The following DLG2 variants were observed in gnomAD, a reference collection of about 807,000 sequenced individuals.
DLG2 encodes the protein disks large homolog 2.
Under a neutral mutation model 132.5 loss-of-function variants are expected in DLG2, and 45 were observed. The ratio of observed to expected loss-of-function variants is 0.34; its 90% CI spans 0.27 to 0.44. The LOEUF (loss-of-function observed/expected upper bound fraction) is 0.44. Among genes scored for constraint, DLG2 ranks in the 20% least tolerant of loss-of-function variants. DLG2 has a pLI of 1.00. For missense variants in DLG2, 1,045 were observed against 1,196.9 expected, an observed-to-expected ratio of 0.87 and a Z score of 1.87; for synonymous variants, 424 against 419.6, an observed-to-expected ratio of 1.01 and a Z score of -0.13.
chr11:84,566,764 T>C (rs1229848434), intron 6 of DLG2, among the ~76,000 whole-genome samples: 8 of 152,204 alleles, frequency 5.3e-5, no homozygotes, highest in Non-Finnish European at 2.9e-5. Flanking sequence ...ATCATACAGC[T>C]ACAGTTCCTC....
intron 6 of DLG2, among the ~76,000 whole-genome samples, chr11:85,002,826 A>C (rs2058332044): frequency 6.6e-6 from 1 of 151,732 alleles, no homozygotes. Context: ...AGCAAGACCG[A>C]CCTTCCTTTT....
At chr11:85,240,553 C>A (rs1270070792) in intron 4 of DLG2, among the ~76,000 whole-genome samples, 15 of 151,554 alleles carry the variant, frequency 9.9e-5, no homozygotes, top group Admixed American at 9.9e-4. Flanking sequence ...AGGCTTGTTT[C>A]TGATATTTAA....
rs1209686994 is a variant in DLG2 at position 83,772,457 on chromosome 11, G to T, written c.1825+14233C>A. Among the ~76,000 whole-genome samples the T allele has an allele frequency of 3.4e-5, 5 of 145,828 alleles. No homozygotes were observed. The South Asian group carries it at 6.8e-4, about 20-fold the overall frequency. ...AAGAAAAAAAAAGAGAAGGAGGGAG[G>T]GAGGGAGGGAGGAAGGAAGGAAGGA... is the stretch of plus-strand genomic sequence containing the variant. On this transcript the variant is annotated intron_variant, in intron 18 of 27. Transcript: ENST00000376104.
intron 6 of DLG2, among the ~76,000 whole-genome samples, chr11:84,869,582 C>T (rs1481486654): frequency 6.6e-6 from 1 of 152,154 alleles, no homozygotes; most frequent in Non-Finnish European, 1.5e-5. Context: ...GATGGACAAC[C>T]TAAGCATGTA....
At chr11:85,605,039 G>T (rs2080430623) in intron 2 of DLG2, among the ~76,000 whole-genome samples, 1 of 152,086 alleles carries the variant, frequency 6.6e-6, no homozygotes. Flanking sequence ...GAGAAAAGGT[G>T]AATTTAACAG....
In DLG2 at chr11:83,716,961, C is replaced by G. The variant is rs928727785; in HGVS notation, c.1825+69729G>C. Among the ~76,000 whole-genome samples the G allele has an allele frequency of 3.3e-5, 5 of 152,142 alleles. No homozygotes were observed. In the East Asian group the frequency reaches 9.6e-4, roughly 29 times the overall value. Reference sequence around the variant, plus strand: ...TTACAAATGCTCTAACAACCATACTCTTAGGCTTACTGTCATGAAAGTATT... The same window carrying G: ...TTACAAATGCTCTAACAACCATACTGTTAGGCTTACTGTCATGAAAGTATT... On this transcript the variant is annotated intron_variant, in intron 18 of 27. Coordinates refer to ENST00000376104, the MANE Select transcript of DLG2 (RefSeq NM_001142699.3).
intron 6 of DLG2, among the ~76,000 whole-genome samples, chr11:84,716,669 A>T (rs1439474848): frequency 1.3e-5 from 2 of 151,556 alleles, no homozygotes; most frequent in African/African-American, 4.8e-5. Context: ...ATTCCCATAA[A>T]TAGCCTTGTA....
At chr11:85,046,394 G>A (rs372121183) in intron 6 of DLG2, among the ~76,000 whole-genome samples, 5 of 151,926 alleles carry the variant, frequency 3.3e-5, no homozygotes, top group African/African-American at 1.2e-4. Flanking sequence ...ATGAGGATAG[G>A]CTAGAAACTT....
intron 12 of DLG2, among the ~76,000 whole-genome samples, chr11:83,973,052 G>T (rs191567781): frequency 2.0e-5 from 3 of 152,150 alleles, no homozygotes; most frequent in Non-Finnish European, 4.4e-5. Flanking sequence ...TGGACAGTAT[G>T]ATATGAACCC....
At chr11:84,569,415 T>G (rs879550335) in intron 6 of DLG2, among the ~76,000 whole-genome samples, 12 of 151,920 alleles carry the variant, frequency 7.9e-5, no homozygotes, top group Non-Finnish European at 1.5e-4. Flanking sequence ...GATATATAAA[T>G]GACTGACAAA....
At chr11:85,546,115 C>T (rs79462754) in intron 3 of DLG2, among the ~76,000 whole-genome samples, 25,857 of 152,060 alleles carry the variant, frequency 0.17, 2,854 homozygotes, top group African/African-American at 0.29. Context: ...CCTGCTTTCT[C>T]TTGTGGGCAT....
chr11:85,091,390 C>T (rs896933651), intron 6 of DLG2, among the ~76,000 whole-genome samples: 1 of 152,168 alleles, frequency 6.6e-6, no homozygotes, highest in Non-Finnish European at 1.5e-5. Context: ...ATGCTGATGG[C>T]TGCTGATTGA....
At chr11:85,180,808 C>A (rs2079639262) in intron 4 of DLG2, among the ~76,000 whole-genome samples, 3 of 151,738 alleles carry the variant, frequency 2.0e-5, no homozygotes, top group Admixed American at 2.0e-4. Flanking sequence ...TTTACATAGA[C>A]TTTCATAGAT....
intron 6 of DLG2, among the ~76,000 whole-genome samples, chr11:84,821,191 A>G (rs2077632550): frequency 6.6e-6 from 1 of 151,894 alleles, no homozygotes; most frequent in Non-Finnish European, 1.5e-5. Context: ...TCCAAAGTAA[A>G]AGAGACAACA....
rs17145219 is a variant in DLG2 at position 83,456,294 on chromosome 11, C to G, written c.*3524G>C. On this transcript the variant is annotated 3_prime_UTR_variant, in exon 28 of 28. Transcript: ENST00000376104. ...ATCGCTGCCAGGGCAACGGTGCAGGCTGGCTCCGGGAGGCGGGCTGGAGCA... is the reference window on the plus strand; with the variant it reads ...ATCGCTGCCAGGGCAACGGTGCAGGGTGGCTCCGGGAGGCGGGCTGGAGCA... 12,528 of 152,982 alleles carry G rather than the reference C, an allele frequency of 0.082. 633 individuals carry two copies. Among genetic ancestry groups the G allele is most frequent in the East Asian group, 0.18 (944 of 5,184 alleles). The allele number at this position is 152,982 out of a possible 1,614,324, so 9.5% of individuals were successfully genotyped here. A position where few individuals can be genotyped will look rare whatever the true frequency, so the allele number is the denominator to read the frequency against.
chr11:85,104,029 G>A (rs1191651075), intron 6 of DLG2, among the ~76,000 whole-genome samples: 1 of 151,836 alleles, frequency 6.6e-6, no homozygotes, highest in Non-Finnish European at 1.5e-5. Context: ...ACACCTATTA[G>A]GATTGTTATA....
intron 8 of DLG2, among the ~76,000 whole-genome samples, chr11:84,210,428 C>G (rs59321692): frequency 0.039 from 5,825 of 148,662 alleles, 359 homozygotes; most frequent in African/African-American, 0.14. Context: ...GGAGATATAC[C>G]TAAGGCTAGA....
intron 9 of DLG2, among the ~76,000 whole-genome samples, chr11:84,116,795 T>A (rs1198188761): frequency 6.6e-6 from 1 of 152,188 alleles, no homozygotes; most frequent in East Asian, 1.9e-4. Flanking sequence ...ACATTAAATG[T>A]CAGTATATTT....
chr11:83,515,137 G>C (rs1240470030), intron 21 of DLG2, among the ~76,000 whole-genome samples: 2 of 152,110 alleles, frequency 1.3e-5, no homozygotes, highest in Non-Finnish European at 2.9e-5. Context: ...GTAGAATTCG[G>C]CTGTGAATCC....
Sources: allele counts gnomAD v4.1 joint callset (sites outside exome capture counted in the v4.1 genomes callset), GRCh38; gene constraint gnomAD v4.1.1; transcripts MANE v1.5; gene names NCBI Gene and HGNC (gene_info 2026-07-23, HGNC 2026-07-21).